The following STXBP5 variants were observed in gnomAD, a reference collection of about 807,000 sequenced individuals.
STXBP5 encodes syntaxin-binding protein 5.
A neutral mutation model predicts 152.4 loss-of-function variants in STXBP5; 50 were observed. The observed-to-expected ratio is 0.33, with a 90% confidence interval of 0.26 to 0.42. The LOEUF (loss-of-function observed/expected upper bound fraction) is 0.42. Among genes scored for constraint, STXBP5 ranks in the 10% least tolerant of loss-of-function variants. The pLI, the probability that STXBP5 is intolerant of heterozygous loss-of-function variation, is 1.00. For missense variants in STXBP5, 1,167 were observed against 1,388.6 expected, an observed-to-expected ratio of 0.84 and a Z score of 2.54; for synonymous variants, 492 against 494.7, an observed-to-expected ratio of 0.99 and a Z score of 0.07.
Position 147,386,636 on chromosome 6 carries a change from C to T in STXBP5, c.*1881C>T, listed in dbSNP as rs1041088184. ...TTTCTGTTTCGTTAATGTCAGCTGC[C>T]TGAACATTCAGCAGTTTATAAATTG... On this transcript the variant is annotated 3_prime_UTR_variant, in exon 28 of 28. Coordinates refer to ENST00000321680, the MANE Select transcript of STXBP5 (RefSeq NM_001127715.4). The T allele has an allele frequency of 1.3e-5, 2 of 151,826 alleles. No homozygotes were observed. Among genetic ancestry groups the T allele is most frequent in the Non-Finnish European group, 2.9e-5 (2 of 67,800 alleles). The allele number at this position is 151,826 out of a possible 1,614,324, so 9.4% of individuals were successfully genotyped here. A position where few individuals can be genotyped will look rare whatever the true frequency, so the allele number is the denominator to read the frequency against.
At chr6:147,382,307 C>A (rs1029577629) in intron 26 of STXBP5, among the ~76,000 whole-genome samples, 1 of 152,080 alleles carries the variant, frequency 6.6e-6, no homozygotes, top group Non-Finnish European at 1.5e-5. Flanking sequence ...GAATAAAATT[C>A]TTCATTTATC....
At chr6:147,265,654 G>T (rs973673533) in intron 6 of STXBP5, among the ~76,000 whole-genome samples, 3 of 151,948 alleles carry the variant, frequency 2.0e-5, no homozygotes, top group Non-Finnish European at 4.4e-5. Context: ...AAATACTGAG[G>T]TGGGGCCTGG....
intron 4 of STXBP5, among the ~76,000 whole-genome samples, chr6:147,256,924 T>C (rs1779397267): frequency 6.6e-6 from 1 of 152,152 alleles, no homozygotes; most frequent in African/African-American, 2.4e-5. Flanking sequence ...GCTGTACATA[T>C]TCTTCTGTCA....
rs1174952923 is a variant in STXBP5 at position 147,313,980 on chromosome 6, T to C, written c.1242T>C (p.Pro414=). 1 of 1,603,038 alleles carries C rather than the reference T, an allele frequency of 6.2e-7. No homozygotes were observed. The highest frequency in any genetic ancestry group is 2.2e-5 in the East Asian group (1 of 44,736). The change falls in exon 12 of 28, where the codon CCT becomes CCC. Residue 414 remains proline, a synonymous_variant. Transcript: ENST00000321680. The stretch of plus-strand genomic sequence containing the variant: ...CGGATTGTCCTGTGGACCTTATTCC[T>C]GCACTTTATTCTGTTGGAGCTAGAC... ...YFADCPVDLI[P]ALYSVGARQK... is the part of the protein sequence containing the mutation.
At chr6:147,369,897 T>G (rs117826317) in intron 25 of STXBP5, among the ~76,000 whole-genome samples, 4,393 of 152,108 alleles carry the variant, frequency 0.029, 107 homozygotes, top group Admixed American at 0.05. Context: ...TTAACATTCA[T>G]GAACCAAAGA....
Position 147,384,810 on chromosome 6 carries a change from T to C in STXBP5, c.*55T>C. 1 of 1,540,506 alleles carries C rather than the reference T, an allele frequency of 6.5e-7. No individual in the cohort carries two copies. Among genetic ancestry groups the C allele is most frequent in the Non-Finnish European group, 8.9e-7 (1 of 1,124,084 alleles). ...CCAGAAGGAAAAAAGTTTTCCATTT[T>C]TATTACATTCTTTAGGAAAGTTAAC... On this transcript the variant is annotated 3_prime_UTR_variant, in exon 28 of 28. Coordinates refer to ENST00000321680, the MANE Select transcript of STXBP5 (RefSeq NM_001127715.4).
intron 16 of STXBP5, among the ~76,000 whole-genome samples, chr6:147,322,573 C>T (rs1782989073): frequency 6.6e-6 from 1 of 152,158 alleles, no homozygotes; most frequent in East Asian, 1.9e-4. Flanking sequence ...AGTTTGGTGG[C>T]AGGAAATTCA....
At chr6:147,361,296 A>G (rs1785053768) in intron 23 of STXBP5, among the ~76,000 whole-genome samples, 1 of 152,172 alleles carries the variant, frequency 6.6e-6, no homozygotes. Flanking sequence ...AGCGGGATTA[A>G]ATATAGATAA....
At position 147,326,615 on chromosome 6, in the gene STXBP5, C is replaced by T. The variant is rs9403849; in HGVS notation, c.1929-510C>T. 1.8e-3 allele frequency among the ~76,000 whole-genome samples: 281 copies of T among 152,260 alleles called. 9 individuals are homozygous for T. The East Asian group carries it at 0.049, about 27-fold the overall frequency. ...CTTAAAAGAATAAATTTCCTTTATT[C>T]ATAGTTGATTGGTTTATAGTTCCTG... On this transcript the variant is annotated intron_variant, in intron 17 of 27. Transcript: ENST00000321680.
intron 9 of STXBP5, among the ~76,000 whole-genome samples, chr6:147,308,970 G>A (rs1315106389): frequency 6.6e-6 from 1 of 152,144 alleles, no homozygotes; most frequent in Non-Finnish European, 1.5e-5. Context: ...AGAATTATCT[G>A]AGATTAGATA....
chr6:147,339,135 G>T, intron 19 of STXBP5, 44 bp from the exon 20 acceptor site: 1 of 1,469,278 alleles, frequency 6.8e-7, no homozygotes, highest in South Asian at 1.3e-5. Context: ...CAGTATTTAT[G>T]ACTGACCATC....
chr6:147,254,941 A>G (rs1170449689), intron 4 of STXBP5, among the ~76,000 whole-genome samples: 6 of 152,226 alleles, frequency 3.9e-5, no homozygotes, highest in Non-Finnish European at 7.3e-5. Flanking sequence ...CAGAAATACC[A>G]TTTGACCCAG....
intron 2 of STXBP5, among the ~76,000 whole-genome samples, chr6:147,211,356 A>C (rs1776844191): frequency 6.6e-6 from 1 of 152,052 alleles, no homozygotes; most frequent in African/African-American, 2.4e-5. Flanking sequence ...ACAAGTTTTC[A>C]AAATTGCTAC....
intron 8 of STXBP5, among the ~76,000 whole-genome samples, chr6:147,283,579 GTC>G (rs1780800653): frequency 6.6e-6 from 1 of 152,124 alleles, no homozygotes; most frequent in African/African-American, 2.4e-5. Context: ...ATTGTGCTGA[GTC>G]CACCTCGAGT....
intron 9 of STXBP5, among the ~76,000 whole-genome samples, chr6:147,292,065 G>C (rs772867536): frequency 1.3e-5 from 2 of 152,142 alleles, no homozygotes; most frequent in Non-Finnish European, 2.9e-5. Flanking sequence ...AGGAAATGCT[G>C]ATGCACTCTA....
At chr6:147,249,431 G>T (rs1202502954) in intron 4 of STXBP5, among the ~76,000 whole-genome samples, 2 of 152,196 alleles carry the variant, frequency 1.3e-5, no homozygotes, top group Admixed American at 6.5e-5. Flanking sequence ...GTAGGACTCA[G>T]TACTTAAGTC....
intron 26 of STXBP5, 82 bp from the exon 27 acceptor site, chr6:147,382,696 A>C: frequency 7.0e-7 from 1 of 1,436,006 alleles, no homozygotes; most frequent in Admixed American, 2.0e-5. Context: ...CAATCCAAAA[A>C]TTGTATTTTA....
intron 8 of STXBP5, among the ~76,000 whole-genome samples, chr6:147,285,834 A>G (rs1461600216): frequency 6.6e-6 from 1 of 152,186 alleles, no homozygotes; most frequent in Non-Finnish European, 1.5e-5. Flanking sequence ...GATGTTGAAT[A>G]TTGAAGTAAG....
intron 4 of STXBP5, among the ~76,000 whole-genome samples, chr6:147,248,784 T>C (rs1231922415): frequency 6.6e-6 from 1 of 152,188 alleles, no homozygotes; most frequent in Non-Finnish European, 1.5e-5. Flanking sequence ...GCCAGATGTA[T>C]TTCAGTTCCC....
Sources: gnomAD v4.1 joint callset for allele counts (sites outside exome capture counted in the v4.1 genomes callset) on GRCh38, gnomAD v4.1.1 for gene constraint, MANE v1.5 for transcripts, NCBI Gene and HGNC (gene_info 2026-07-23, HGNC 2026-07-21) for gene names.